The following CHRNA7 variants were observed in gnomAD, a reference collection of about 807,000 sequenced individuals.
The protein encoded by CHRNA7 is cholinergic receptor nicotinic alpha 7 subunit.
In CHRNA7, 17 loss-of-function variants were observed where a neutral mutation model predicts 48.0. The observed-to-expected ratio is 0.35, with a 90% CI of 0.24 to 0.53. The LOEUF is 0.53. Among genes scored for constraint, CHRNA7 ranks in the 20% least tolerant of loss-of-function variants. The pLI is 0.92. For synonymous variants in CHRNA7, 75 were observed against 242.3 expected (o/e 0.31, Z 6.41); for missense variants, 155 against 577.7 (o/e 0.27, Z 7.50).
intron 2 of CHRNA7, among the ~76,000 whole-genome samples, chr15:32,083,997 AT>A (rs1465297277): frequency 6.6e-6 from 1 of 152,166 alleles, no homozygotes; most frequent in Non-Finnish European, 1.5e-5. Flanking sequence ...GGGCAATGGA[AT>A]TTTGGGCTGA....
At position 32,114,047 on chromosome 15, in the gene CHRNA7, T is replaced by TATATACACACACAC. The variant is rs1566848888; in HGVS notation, c.350+2153_350+2154insCACACACACATATA. ...ATATATATATATATATATATATGTA[T>TATATACACACACAC]ATATATATATATACATATATATATA... On this transcript the variant is annotated intron_variant, in intron 4 of 9. Transcript: ENST00000306901. 2.6e-3 allele frequency among the ~76,000 whole-genome samples: 129 copies of TATATACACACACAC among 49,276 alleles called. 2 individuals are homozygous for TATATACACACACAC. The highest frequency in any genetic ancestry group is 0.019 in the Admixed American group (52 of 2,726). The allele number at this position is 49,276 out of a possible 152,430, so 32.3% of individuals were successfully genotyped here.
intron 3 of CHRNA7, among the ~76,000 whole-genome samples, chr15:32,110,060 T>C (rs2050738214): frequency 6.6e-6 from 1 of 152,110 alleles, no homozygotes; most frequent in Non-Finnish European, 1.5e-5. Context: ...CGTGGAATCT[T>C]GGGGCCCTGA....
At chr15:32,051,269 A>C (rs557795499) in intron 2 of CHRNA7, among the ~76,000 whole-genome samples, 1 of 152,180 alleles carries the variant, frequency 6.6e-6, no homozygotes, top group East Asian at 1.9e-4. Context: ...CTACGGAGGC[A>C]GGCAGGCCTC....
intron 3 of CHRNA7, among the ~76,000 whole-genome samples, chr15:32,107,659 G>A (rs1017049836): frequency 1.3e-5 from 2 of 152,148 alleles, no homozygotes; most frequent in South Asian, 2.1e-4. Flanking sequence ...CGGACAGGGC[G>A]TCGTGGCCGC....
chr15:32,097,390 C>T (rs1360274940), intron 2 of CHRNA7, among the ~76,000 whole-genome samples: 1 of 152,054 alleles, frequency 6.6e-6, no homozygotes, highest in Non-Finnish European at 1.5e-5. Context: ...GTGATTAGTC[C>T]ATGACGGTGC....
chr15:32,070,669 C>CTTTTTTTTTTTTTTTTTT (rs71113441), intron 2 of CHRNA7, among the ~76,000 whole-genome samples: 3 of 40,894 alleles, frequency 7.3e-5, no homozygotes, highest in African/African-American at 2.8e-4. Context: ...GGTTTAGTTC[C>CTTTTTTTTTTTTTTTTTT]TTTTTTTTTT....
intron 3 of CHRNA7, among the ~76,000 whole-genome samples, chr15:32,105,465 AAGAGGAGGAGAGGAGGAAAG>A: frequency 6.7e-6 from 1 of 149,758 alleles, no homozygotes; most frequent in South Asian, 2.1e-4. Context: ...GAGGAGGAGG[AAGAGGAGGAGAGGAGGAAAG>A]GAGGAGGAGA....
chr15:32,084,542 G>A (rs1233093420), intron 2 of CHRNA7, among the ~76,000 whole-genome samples: 3 of 152,242 alleles, frequency 2.0e-5, no homozygotes, highest in Non-Finnish European at 4.4e-5. Context: ...GTAGAGGACT[G>A]AAGCTTTGGC....
chr15:32,124,739 C>T (rs2051035223), intron 4 of CHRNA7, among the ~76,000 whole-genome samples: 1 of 152,108 alleles, frequency 6.6e-6, no homozygotes, highest in African/African-American at 2.4e-5. Context: ...AAATCCTAAC[C>T]CCCAAGGTGA....
Position 32,031,447 on chromosome 15 carries a change from G to A in CHRNA7, c.195+410G>A, listed in dbSNP as rs139714927. The stretch of plus-strand genomic sequence containing the variant: ...TTAGCCACTTCTAGACTTTTCTGCC[G>A]CCTATGGTATGTAACTTCTTTGGTG... On this transcript the variant is annotated intron_variant, in intron 2 of 9. Transcript: ENST00000306901. Among the ~76,000 whole-genome samples the A allele has an allele frequency of 3.3e-3, 500 of 152,278 alleles. 2 individuals are homozygous for A. Among genetic ancestry groups the A allele is most frequent in the Non-Finnish European group, 5.6e-3 (381 of 68,016 alleles).
At chr15:32,153,040 CTT>C (rs2051664632) in intron 4 of CHRNA7, among the ~76,000 whole-genome samples, 1 of 126,944 alleles carries the variant, frequency 7.9e-6, no homozygotes, top group African/African-American at 3.1e-5. Flanking sequence ...CCTCACTCTC[CTT>C]CTTTTCATCG....
At chr15:32,147,607 AAAAG>A (rs1401859093) in intron 4 of CHRNA7, among the ~76,000 whole-genome samples, 1 of 152,160 alleles carries the variant, frequency 6.6e-6, no homozygotes, top group African/African-American at 2.4e-5. Flanking sequence ...TTTTTTTAAA[AAAAG>A]GAAATATTCT....
chr15:32,038,596 T>G (rs1271010005), intron 2 of CHRNA7, among the ~76,000 whole-genome samples: 1 of 152,220 alleles, frequency 6.6e-6, no homozygotes, highest in African/African-American at 2.4e-5. Context: ...CTTGGACTCC[T>G]GAGCTCAGTT....
chr15:32,112,978 C>G (rs2050788502), intron 4 of CHRNA7, among the ~76,000 whole-genome samples: 1 of 152,182 alleles, frequency 6.6e-6, no homozygotes, highest in African/African-American at 2.4e-5. Context: ...TGAAAAACGT[C>G]TAAAATAGGA....
chr15:32,110,797 T>A (rs901693021), intron 3 of CHRNA7, among the ~76,000 whole-genome samples: 1 of 152,212 alleles, frequency 6.6e-6, no homozygotes, highest in Non-Finnish European at 1.5e-5. Context: ...CAAATAGGCA[T>A]GTTTTGCTGC....
intron 2 of CHRNA7, among the ~76,000 whole-genome samples, chr15:32,040,174 C>T (rs1595373947): frequency 6.6e-6 from 1 of 152,090 alleles, no homozygotes; most frequent in East Asian, 1.9e-4. Context: ...TAGGCACATA[C>T]AGTTGGGTCT....
intron 4 of CHRNA7, among the ~76,000 whole-genome samples, chr15:32,140,919 A>T (rs887862710): frequency 4.6e-5 from 7 of 152,144 alleles, no homozygotes. Context: ...GAAGCTCTTT[A>T]GTTTAATTAA....
intron 2 of CHRNA7, among the ~76,000 whole-genome samples, chr15:32,075,636 T>C (rs559970134): frequency 5.3e-5 from 8 of 152,210 alleles, no homozygotes; most frequent in Admixed American, 5.2e-4. Context: ...ACTGTTCTTT[T>C]TAGAGAACCA....
At chr15:32,145,107 G>A (rs1312769168) in intron 4 of CHRNA7, among the ~76,000 whole-genome samples, 1 of 152,202 alleles carries the variant, frequency 6.6e-6, no homozygotes, top group East Asian at 1.9e-4. Flanking sequence ...TGGTGTGGAT[G>A]TCCCTTTTGT....
Sources: allele counts gnomAD v4.1 joint callset (sites outside exome capture counted in the v4.1 genomes callset), GRCh38; gene constraint gnomAD v4.1.1; transcripts MANE v1.5; gene names NCBI Gene and HGNC (gene_info 2026-07-23, HGNC 2026-07-21).